MAGI3: variants seen among roughly 807,000 people sequenced by gnomAD.
The protein encoded by MAGI3 is membrane associated guanylate kinase, WW and PDZ domain containing 3.
Under a neutral mutation model 121.8 loss-of-function variants are expected in MAGI3, and 43 were observed. The observed-to-expected ratio is 0.35, with a 90% confidence interval of 0.28 to 0.46. The LOEUF (loss-of-function observed/expected upper bound fraction) is 0.46. MAGI3 is among the 20% of genes least tolerant of loss of function. The pLI, the probability that MAGI3 is intolerant of heterozygous loss-of-function variation, is 1.00. For synonymous variants in MAGI3, 553 were observed against 639.3 expected (o/e 0.86, Z 2.04); for missense variants, 1,547 against 1,797.3 (o/e 0.86, Z 2.52).
At chr1:113,522,165 G>C (rs1420752362) in intron 1 of MAGI3, among the ~76,000 whole-genome samples, 1 of 152,204 alleles carries the variant, frequency 6.6e-6, no homozygotes, top group Admixed American at 6.5e-5. Flanking sequence ...AAGTGCAGTG[G>C]CACGATCTCT....
chr1:113,585,074 T>G (rs1648279846), intron 3 of MAGI3, among the ~76,000 whole-genome samples: 1 of 150,702 alleles, frequency 6.6e-6, no homozygotes, highest in African/African-American at 2.5e-5. Context: ...TTCAAGTGAT[T>G]TTCCTGCCTC....
At chr1:113,517,086 A>G (rs1055481880) in intron 1 of MAGI3, among the ~76,000 whole-genome samples, 2 of 151,982 alleles carry the variant, frequency 1.3e-5, no homozygotes, top group African/African-American at 4.8e-5. Context: ...AAGTAAATGT[A>G]ATGTGGTATT....
intron 1 of MAGI3, among the ~76,000 whole-genome samples, chr1:113,520,116 A>G (rs944726711): frequency 1.3e-5 from 2 of 152,204 alleles, no homozygotes; most frequent in Non-Finnish European, 2.9e-5. Flanking sequence ...AAATAAATAT[A>G]AACATGGTCA....
chr1:113,640,631 G>A (rs1463619734), intron 9 of MAGI3, among the ~76,000 whole-genome samples: 3 of 151,902 alleles, frequency 2.0e-5, no homozygotes, highest in South Asian at 2.1e-4. Flanking sequence ...ACACAGAAAC[G>A]GAAAACCAAA....
intron 1 of MAGI3, among the ~76,000 whole-genome samples, chr1:113,480,693 T>A (rs775472073): frequency 2.6e-5 from 4 of 152,230 alleles, no homozygotes; most frequent in Non-Finnish European, 5.9e-5. Flanking sequence ...GTGTGCCTTC[T>A]TATTTCCATG....
intron 14 of MAGI3, among the ~76,000 whole-genome samples, chr1:113,652,529 G>A (rs187762300): frequency 6.6e-6 from 1 of 152,194 alleles, no homozygotes; most frequent in East Asian, 1.9e-4. Flanking sequence ...GAGGCCAAAT[G>A]TAACTACTTA....
intron 6 of MAGI3, among the ~76,000 whole-genome samples, chr1:113,596,452 A>G (rs1458981773): frequency 6.6e-6 from 1 of 152,220 alleles, no homozygotes; most frequent in Non-Finnish European, 1.5e-5. Flanking sequence ...TAAACAGGCC[A>G]CAAAAAATAT....
chr1:113,672,842 C>A, intron 18 of MAGI3, 101 bp downstream of exon 18: 2 of 1,398,260 alleles, frequency 1.4e-6, no homozygotes, highest in Non-Finnish European at 1.9e-6. Context: ...AATTTGTTTC[C>A]AAAACTAATA....
At chr1:113,446,571 A>G (rs2101473331) in intron 1 of MAGI3, among the ~76,000 whole-genome samples, 1 of 152,360 alleles carries the variant, frequency 6.6e-6, no homozygotes, top group Admixed American at 6.5e-5. Flanking sequence ...CTCTTCAACC[A>G]AAAGACAGAG....
intron 1 of MAGI3, among the ~76,000 whole-genome samples, chr1:113,503,072 G>T (rs1657099622): frequency 1.5e-5 from 1 of 67,300 alleles, no homozygotes; most frequent in African/African-American, 6.9e-5. Context: ...CTGTGGTGGG[G>T]TCGGGGGAGG....
At chr1:113,653,797 C>G in intron 14 of MAGI3, 33 bp from the exon 15 acceptor site, 1 of 1,535,562 alleles carries the variant, frequency 6.5e-7, no homozygotes, top group Non-Finnish European at 8.8e-7. Context: ...TATGATGTTC[C>G]AGACATATCA....
chr1:113,567,056 A>G (rs6696459), intron 2 of MAGI3, among the ~76,000 whole-genome samples: 10,842 of 151,714 alleles, frequency 0.071, 425 homozygotes, highest in African/African-American at 0.092. Context: ...ACTTAGATTA[A>G]GAAAAAAAGA....
intron 1 of MAGI3, among the ~76,000 whole-genome samples, chr1:113,483,311 A>G (rs758132171): frequency 1.3e-4 from 20 of 152,080 alleles, no homozygotes; most frequent in Admixed American, 1.2e-3. Context: ...CACAATCCCT[A>G]TGTTGAAACC....
At position 113,642,345 on chromosome 1, in the gene MAGI3, CAGA is replaced by C; in HGVS notation, c.1798_1800del (p.Lys600del). 6.2e-7 allele frequency: 1 copy of C among 1,614,114 alleles called. No individual in the cohort carries two copies. The highest frequency in any genetic ancestry group is 8.5e-7 in the Non-Finnish European group (1 of 1,180,024). On this transcript the variant is annotated inframe_deletion, in exon 10 of 21. Coordinates refer to ENST00000307546, the MANE Select transcript of MAGI3 (RefSeq NM_001142782.2). ...TGCAATTGCTGACAGCCCTACTGGACAGAAGGTGAAAATGATACTGGATAGTCA... is the reference window on the plus strand; with the variant it reads ...TGCAATTGCTGACAGCCCTACTGGACAGGTGAAAATGATACTGGATAGTCA...
intron 2 of MAGI3, 45 bp from the exon 3 acceptor site, chr1:113,580,497 T>C (rs1378302029): frequency 1.3e-6 from 2 of 1,561,946 alleles, no homozygotes; most frequent in Admixed American, 3.8e-5. Flanking sequence ...ATTTTGTAAG[T>C]TTAAAAGTAC....
At chr1:113,599,310 G>A (rs1458497714) in intron 6 of MAGI3, among the ~76,000 whole-genome samples, 2 of 151,894 alleles carry the variant, frequency 1.3e-5, no homozygotes, top group African/African-American at 4.8e-5. Context: ...CAACAAAATT[G>A]ATCGACCACT....
chr1:113,406,600 AG>A (rs1282883238), intron 1 of MAGI3, among the ~76,000 whole-genome samples: 4 of 152,072 alleles, frequency 2.6e-5, no homozygotes, highest in Non-Finnish European at 5.9e-5. Context: ...TATCTAATTG[AG>A]GCATGTTAAT....
chr1:113,617,731 T>C, intron 7 of MAGI3, among the ~76,000 whole-genome samples: 1 of 152,246 alleles, frequency 6.6e-6, no homozygotes, highest in African/African-American at 2.4e-5. Flanking sequence ...TATTCTTTTC[T>C]GAGTGTCAAT....
intron 12 of MAGI3, 23 bp downstream of exon 12, chr1:113,646,665 A>G (rs1652870671): frequency 1.3e-6 from 2 of 1,554,142 alleles, no homozygotes; most frequent in East Asian, 2.3e-5. Flanking sequence ...GGAATATTTC[A>G]GGAGAGCATA....
Sources: allele counts gnomAD v4.1 joint callset (sites outside exome capture counted in the v4.1 genomes callset), GRCh38; gene constraint gnomAD v4.1.1; transcripts MANE v1.5; gene names NCBI Gene and HGNC (gene_info 2026-07-23, HGNC 2026-07-21).